The following DYSF variants were observed in gnomAD, a reference collection of about 807,000 sequenced individuals.
DYSF encodes dysferlin, also known as dystrophy-associated fer-1-like 1.
In DYSF, 212 loss-of-function variants were observed where a neutral mutation model predicts 274.9. That is an observed-to-expected ratio of 0.77 (90% confidence interval 0.69 to 0.86). DYSF has a LOEUF of 0.86. Ranked by LOEUF, DYSF falls within the 40% of genes least tolerant of loss-of-function variation. The probability of loss-of-function intolerance (pLI) is 0.00; values close to 1 mark genes in which losing one functional copy is unlikely to be tolerated. For missense variants in DYSF, 2,666 were observed against 2,783.2 expected, an observed-to-expected ratio of 0.96 and a Z score of 0.95; for synonymous variants, 1,091 against 1,078.7, an observed-to-expected ratio of 1.01 and a Z score of -0.22.
chr2:71,558,440 G>T (rs1461174536), intron 22 of DYSF, among the ~76,000 whole-genome samples: 1 of 152,192 alleles, frequency 6.6e-6, no homozygotes, highest in Non-Finnish European at 1.5e-5. Context: ...GAGCTCCCCA[G>T]GGCATCCCCG....
intron 32 of DYSF, among the ~76,000 whole-genome samples, chr2:71,598,263 C>A (rs2093454265): frequency 6.6e-6 from 1 of 152,214 alleles, no homozygotes; most frequent in Admixed American, 6.5e-5. Context: ...ACTCACTTCC[C>A]CCAGCTGGAC....
rs376154300 is a variant in DYSF, at chr2:71,515,691, C to T, written c.828C>T (p.Thr276=). The change falls in exon 8 of 56, where the codon ACC becomes ACT. Residue 276 remains threonine (T), a synonymous_variant. Transcript: ENST00000410020. ...ACATCAAGCCTGTGGTCAAGGTTACCGCTGCAGGGCAGACCAAGCGGACGC... is the reference window on the plus strand; with the variant it reads ...ACATCAAGCCTGTGGTCAAGGTTACTGCTGCAGGGCAGACCAAGCGGACGC... The part of the protein sequence containing the change: ...GVNIKPVVKV[T]AAGQTKRTRI... 1.3e-4 allele frequency: 213 copies of T among 1,614,034 alleles called. 1 individual carries two copies. Among genetic ancestry groups the T allele is most frequent in the South Asian group, 9.3e-4 (85 of 91,074 alleles).
chr2:71,478,474 G>C (rs1393773317), intron 1 of DYSF, among the ~76,000 whole-genome samples: 1 of 152,052 alleles, frequency 6.6e-6, no homozygotes, highest in East Asian at 1.9e-4. Flanking sequence ...GCCTCCCAGA[G>C]TGCTGGGATT....
At chr2:71,531,989 T>C (rs953402788) in intron 14 of DYSF, among the ~76,000 whole-genome samples, 1 of 152,202 alleles carries the variant, frequency 6.6e-6, no homozygotes, top group Non-Finnish European at 1.5e-5. Flanking sequence ...GAGTCAGCAT[T>C]CACTAATTCA....
Position 71,615,850 on chromosome 2 carries a change from C to G in DYSF, c.4464+2440C>G, listed in dbSNP as rs2093869591. On this transcript the variant is annotated intron_variant, in intron 40 of 55. Coordinates refer to ENST00000410020, the MANE Select transcript of DYSF (RefSeq NM_001130987.2). The surrounding 1 kb of genome is among the most constrained non-coding windows in gnomAD (Gnocchi z 4.9). ...TGGATTTTGGCTGGCTTCTGTCTGC[C>G]CCACCGGTGTTTCTCGGCAGCCTGT... Among the ~76,000 whole-genome samples, 4 of 152,116 alleles carry G rather than the reference C, an allele frequency of 2.6e-5. No homozygotes were observed. Among genetic ancestry groups the G allele is most frequent in the Non-Finnish European group, 5.9e-5 (4 of 68,006 alleles).
chr2:71,645,671 C>A (rs1336181371), intron 42 of DYSF, among the ~76,000 whole-genome samples: 1 of 151,850 alleles, frequency 6.6e-6, no homozygotes, highest in Non-Finnish European at 1.5e-5. Context: ...GGGATGAAGC[C>A]CTCGCCAGGG....
intron 30 of DYSF, among the ~76,000 whole-genome samples, chr2:71,578,722 TC>T (rs1231852672): frequency 6.6e-6 from 1 of 152,130 alleles, no homozygotes; most frequent in Non-Finnish European, 1.5e-5. Context: ...CCCCCTTGCC[TC>T]CTGCCACCTT....
At chr2:71,579,554 A>G (rs2092820101) in intron 30 of DYSF, among the ~76,000 whole-genome samples, 1 of 152,124 alleles carries the variant, frequency 6.6e-6, no homozygotes, top group Admixed American at 6.5e-5. Context: ...CCCATAGAGG[A>G]TAAGAATTAT....
intron 3 of DYSF, among the ~76,000 whole-genome samples, chr2:71,484,045 CTTTTTTTTTTTTTTTTT>C (rs59780652): frequency 1.5e-5 from 1 of 67,548 alleles, no homozygotes; most frequent in Non-Finnish European, 2.5e-5. Context: ...GGAGATTTCC[CTTTTTTTTTTTTTTTTT>C]TTTTTTTTGA....
intron 32 of DYSF, among the ~76,000 whole-genome samples, chr2:71,595,443 CT>C: frequency 6.6e-6 from 1 of 152,290 alleles, no homozygotes; most frequent in South Asian, 2.1e-4. Flanking sequence ...GGAAAGCTCC[CT>C]TTTAGGAAAA....
At position 71,615,922 on chromosome 2, in the gene DYSF, A is replaced by G. The variant is rs995006045; in HGVS notation, c.4464+2512A>G. 1.3e-5 allele frequency among the ~76,000 whole-genome samples: 2 copies of G among 152,034 alleles called. No homozygotes were observed. Among genetic ancestry groups the G allele is most frequent in the East Asian group, 3.9e-4 (2 of 5,172 alleles). ...GCCCTGGCTGGTGCTGGATGTGTTC[A>G]CTGTGTCCTGGCTGTGGTCCTAGGA... is the stretch of plus-strand genomic sequence containing the variant. On this transcript the variant is annotated intron_variant, in intron 40 of 55. Transcript: ENST00000410020. The surrounding 1 kb of genome is among the most constrained non-coding windows in gnomAD (Gnocchi z 4.9).
intron 32 of DYSF, among the ~76,000 whole-genome samples, chr2:71,594,270 G>C (rs886394582): frequency 6.6e-6 from 1 of 152,148 alleles, no homozygotes; most frequent in African/African-American, 2.4e-5. Context: ...ACAGCTTTTT[G>C]TTAAGGTTGG....
chr2:71,647,272 T>A (rs1351830868), intron 42 of DYSF, among the ~76,000 whole-genome samples: 2 of 152,106 alleles, frequency 1.3e-5, no homozygotes, highest in African/African-American at 4.8e-5. Flanking sequence ...ATAAAAATAA[T>A]AAAAAATGGA....
chr2:71,531,584 A>G (rs1467166045), intron 14 of DYSF, among the ~76,000 whole-genome samples: 2 of 151,808 alleles, frequency 1.3e-5, no homozygotes, highest in Non-Finnish European at 2.9e-5. Context: ...GGTACTGCAC[A>G]GGACACGTAT....
intron 26 of DYSF, 142 bp downstream of exon 26, chr2:71,568,480 C>T (rs966905937): frequency 5.3e-6 from 6 of 1,140,390 alleles, no homozygotes; most frequent in African/African-American, 4.6e-5. Context: ...GCTGAACTCT[C>T]CCAGGACTGA....
intron 13 of DYSF, 92 bp downstream of exon 13, chr2:71,526,438 C>G: frequency 6.6e-7 from 1 of 1,524,506 alleles, no homozygotes; most frequent in Non-Finnish European, 8.9e-7. Context: ...GGTCAGCTCC[C>G]TGGGGGAAGG....
intron 32 of DYSF, among the ~76,000 whole-genome samples, chr2:71,595,637 C>T (rs917192070): frequency 6.6e-6 from 1 of 152,188 alleles, no homozygotes; most frequent in Non-Finnish European, 1.5e-5. Flanking sequence ...GCTAAGGAAT[C>T]GTCTGCCTGA....
chr2:71,644,032 C>T lies in DYSF; in HGVS notation c.4595C>T (p.Ser1532Phe). The T allele has an allele frequency of 1.2e-6, 2 of 1,612,160 alleles. No individual in the cohort carries two copies. Among genetic ancestry groups the T allele is most frequent in the Non-Finnish European group, 1.7e-6 (2 of 1,179,252 alleles). The stretch of plus-strand genomic sequence containing the variant: ...ATAGGGGAGAGGGAAAAGTGCGGCT[C>T]CTACCTGGAGAAGGATTTTGACACC... Reference protein sequence around the residue: ...ASIGEREKCGSYLEKDFDTLK... With the variant: ...ASIGEREKCGFYLEKDFDTLK... The change falls in exon 42 of 56, where the codon TCC (serine) becomes TTC (phenylalanine). Residue 1532 changes from serine (S) to phenylalanine (F), a missense_variant. This residue lies in a region of DYSF where 1,460 missense variants were observed against 1,502.1 expected (regional missense o/e 0.97). Coordinates refer to ENST00000410020, the MANE Select transcript of DYSF (RefSeq NM_001130987.2).
intron 41 of DYSF, among the ~76,000 whole-genome samples, chr2:71,627,372 T>C (rs965722075): frequency 6.6e-6 from 1 of 152,120 alleles, no homozygotes; most frequent in Admixed American, 6.5e-5. Context: ...TTTTGGAAGT[T>C]ACTAACTTAT....
Sources: allele counts gnomAD v4.1 joint callset (sites outside exome capture counted in the v4.1 genomes callset), GRCh38; gene constraint gnomAD v4.1.1; regional missense constraint gnomAD v4.1.1; non-coding constraint Gnocchi (gnomAD v3.1); transcripts MANE v1.5; gene names NCBI Gene and HGNC (gene_info 2026-07-23, HGNC 2026-07-21).